The following CFI variants were observed in gnomAD, a reference collection of about 807,000 sequenced individuals.
CFI encodes C3B/C4B inactivator.
Under a neutral mutation model 78.8 loss-of-function variants are expected in CFI, and 66 were observed. The observed-to-expected ratio is 0.84, with a 90% confidence interval of 0.69 to 1.03. The LOEUF (loss-of-function observed/expected upper bound fraction) is 1.03, where lower values mean the gene tolerates loss of function less well. Ranked by LOEUF, CFI falls within the 50% of genes least tolerant of loss-of-function variation. CFI has a pLI of 0.00. For synonymous variants in CFI, 250 were observed against 232.6 expected, an observed-to-expected ratio of 1.07 and a Z score of -0.68; for missense variants, 706 against 704.5, an observed-to-expected ratio of 1.00 and a Z score of -0.02.
intron 1 of CFI, among the ~76,000 whole-genome samples, chr4:109,771,508 C>A (rs1728582380): frequency 6.7e-6 from 1 of 150,072 alleles, no homozygotes; most frequent in Non-Finnish European, 1.5e-5. Context: ...AGTTTGAGAC[C>A]ATTCTGGCCA....
At chr4:109,779,384 T>C (rs1249432564) in intron 1 of CFI, among the ~76,000 whole-genome samples, 1 of 152,002 alleles carries the variant, frequency 6.6e-6, no homozygotes, top group African/African-American at 2.4e-5. Context: ...CCATTCACAA[T>C]TGCTTCAAAG....
chr4:109,737,036 T>C (rs1167713258), downstream of CFI, among the ~76,000 whole-genome samples: 1 of 152,182 alleles, frequency 6.6e-6, no homozygotes, highest in African/African-American at 2.4e-5. Flanking sequence ...TCACTCAACA[T>C]ATCTAGAGTC....
At position 109,766,573 on chromosome 4, in the gene CFI, G is replaced by T; in HGVS notation, c.309C>A (p.Asn103Lys). 2 of 1,614,140 alleles carry T rather than the reference G, an allele frequency of 1.2e-6. No individual in the cohort carries two copies. The highest frequency in any genetic ancestry group is 1.3e-5 in the African/African-American group (1 of 75,042). ...CLHPGTKFLN[N>K]GTCTAEGKFS... Reference sequence around the variant, plus strand: ...TGCTACCTTCGGCTGTGCATGTTCCGTTATTTAAAAACTTTGTCCCTGGAT... The same window carrying T: ...TGCTACCTTCGGCTGTGCATGTTCCTTTATTTAAAAACTTTGTCCCTGGAT... Residue 103 changes from asparagine to lysine, a missense_variant, in exon 2 of 13, where the codon AAC (asparagine) becomes AAA (lysine). Physicochemically the swap from Asn to Lys is moderately conservative, Grantham distance 94. Transcript: ENST00000394634.
chr4:109,756,284 G>T (rs1312520904), intron 7 of CFI, among the ~76,000 whole-genome samples: 1 of 138,116 alleles, frequency 7.2e-6, no homozygotes, highest in Non-Finnish European at 1.5e-5. Flanking sequence ...TTGCCTCTGA[G>T]ATCTGAAACT....
intron 1 of CFI, among the ~76,000 whole-genome samples, chr4:109,778,868 C>G (rs1484760390): frequency 6.6e-6 from 1 of 152,080 alleles, no homozygotes; most frequent in Non-Finnish European, 1.5e-5. Flanking sequence ...TAAACAGAAC[C>G]AAAGACAAAA....
chr4:109,767,439 AAAAC>A, intron 1 of CFI, among the ~76,000 whole-genome samples: 1 of 151,666 alleles, frequency 6.6e-6, no homozygotes, highest in South Asian at 2.1e-4. Flanking sequence ...TTACAAGAAA[AAAAC>A]AAACAACCCC....
intron 1 of CFI, among the ~76,000 whole-genome samples, chr4:109,778,444 C>T (rs1729565202): frequency 6.6e-6 from 1 of 152,118 alleles, no homozygotes; most frequent in African/African-American, 2.4e-5. Context: ...GAGGTTGAAT[C>T]CCTGAATAGA....
At chr4:109,800,535 C>G (rs1011257481) in intron 1 of CFI, among the ~76,000 whole-genome samples, 1 of 151,670 alleles carries the variant, frequency 6.6e-6, no homozygotes, top group African/African-American at 2.4e-5. Context: ...TTATTCCCCC[C>G]ATTAGAAGGC....
At chr4:109,731,182 C>T in the CFI span, among the ~76,000 whole-genome samples, 5 of 151,908 alleles carry the variant, frequency 3.3e-5, no homozygotes, top group East Asian at 1.9e-4. Context: ...CCATCTCTAC[C>T]AAAAATACAG....
chr4:109,746,252 A>G lies in CFI; in HGVS notation c.1399T>C (p.Cys467Arg), dbSNP rs1724402529. 5.0e-6 allele frequency: 8 copies of G among 1,614,052 alleles called. No individual in the cohort carries two copies. The highest frequency in any genetic ancestry group is 5.9e-6 in the Non-Finnish European group (7 of 1,180,018). The change falls in exon 11 of 13, where the codon TGC becomes CGC. Residue 467 changes from cysteine (C) to arginine (R), a missense_variant. Coordinates refer to ENST00000394634, the MANE Select transcript of CFI (RefSeq NM_000204.5). Reference protein sequence around the residue: ...SPYLFQPNDTCIVSGWGREKD... With the variant: ...SPYLFQPNDTRIVSGWGREKD... Reference sequence around the variant, plus strand: ...TCTCGTCCCCAGCCAGAAACGATGCATGTATCATTAGGTTGGAATAGGTAA... The same window carrying G: ...TCTCGTCCCCAGCCAGAAACGATGCGTGTATCATTAGGTTGGAATAGGTAA...
intron 1 of CFI, among the ~76,000 whole-genome samples, chr4:109,798,045 C>A (rs1024025803): frequency 2.6e-5 from 4 of 152,014 alleles, no homozygotes; most frequent in African/African-American, 4.8e-5. Flanking sequence ...TATGGATGAA[C>A]CTAGAGGACA....
intron 6 of CFI, 58 bp from the exon 7 acceptor site, chr4:109,757,841 C>G: frequency 7.4e-7 from 1 of 1,357,420 alleles, no homozygotes; most frequent in East Asian, 2.4e-5. Flanking sequence ...AAAATGCACA[C>G]TATAGCAATA....
At chr4:109,744,624 C>G (rs555915038) in intron 11 of CFI, among the ~76,000 whole-genome samples, 1 of 152,164 alleles carries the variant, frequency 6.6e-6, no homozygotes, top group South Asian at 2.1e-4. Context: ...TACTCTTCCG[C>G]TTTCAGATCC....
chr4:109,761,843 G>A, intron 3 of CFI, 151 bp from the exon 4 acceptor site: 1 of 666,018 alleles, frequency 1.5e-6, no homozygotes, highest in Non-Finnish European at 2.6e-6. Context: ...CTGAGCCTCA[G>A]TACCTTCATC....
chr4:109,791,507 T>C (rs747969617), intron 1 of CFI, among the ~76,000 whole-genome samples: 2 of 152,242 alleles, frequency 1.3e-5, no homozygotes, highest in Non-Finnish European at 2.9e-5. Context: ...CGTCATGAAA[T>C]CTTTGCTCAT....
chr4:109,775,244 T>A (rs556265560), intron 1 of CFI, among the ~76,000 whole-genome samples: 54 of 152,264 alleles, frequency 3.5e-4, no homozygotes, highest in Non-Finnish European at 6.9e-4. Flanking sequence ...AATTCCCTTT[T>A]CCAGCAAAGG....
intron 1 of CFI, among the ~76,000 whole-genome samples, chr4:109,781,960 C>T (rs541015107): frequency 6.6e-5 from 10 of 152,064 alleles, no homozygotes; most frequent in South Asian, 2.1e-4. Context: ...AATCTAACAT[C>T]GCTTTAGGAT....
downstream of CFI, chr4:109,740,566 A>G (rs1723663655): frequency 5.5e-6 from 2 of 362,262 alleles, no homozygotes; most frequent in South Asian, 4.7e-5. Flanking sequence ...AGGGCATAGT[A>G]GGTGATAGAG....
At chr4:109,761,899 C>T in intron 3 of CFI, 2 of 541,478 alleles carry the variant, frequency 3.7e-6, no homozygotes, top group Non-Finnish European at 3.3e-6. Context: ...TAAAGATTAA[C>T]TAAAACTTGG....
Sources: gnomAD v4.1 joint callset for allele counts (sites outside exome capture counted in the v4.1 genomes callset) on GRCh38, gnomAD v4.1.1 for gene constraint, MANE v1.5 for transcripts, NCBI Gene and HGNC (gene_info 2026-07-23, HGNC 2026-07-21) for gene names.